Variants in CHP2 observed in about 807,000 individuals in gnomAD.
CHP2 encodes calcineurin B homologous protein 2.
In CHP2, 31 loss-of-function variants were observed where a neutral mutation model predicts 24.7. The observed-to-expected ratio is 1.26, with a 90% CI of 0.94 to 1.69. CHP2 has a LOEUF of 1.69. CHP2 is among the 40% of genes most tolerant of loss of function. The pLI is 0.00. For missense variants in CHP2, 319 were observed against 261.5 expected, an observed-to-expected ratio of 1.22 and a Z score of -1.52; for synonymous variants, 97 against 99.1, an observed-to-expected ratio of 0.98 and a Z score of 0.13.
rs781235252 is a variant in CHP2 at position 23,757,518 on chromosome 16, T to C, written c.538-12T>C. ...AGTCAAGCCTCTTGCCTGCCATTTGTTTTTCCCTCAGTCCTTAGAGAAGAT... is the reference window on the plus strand; with the variant it reads ...AGTCAAGCCTCTTGCCTGCCATTTGCTTTTCCCTCAGTCCTTAGAGAAGAT... On this transcript the variant is annotated splice_polypyrimidine_tract_variant and intron_variant, in intron 6 of 6. Transcript: ENST00000300113. 1 of 1,613,530 alleles carries C rather than the reference T, an allele frequency of 6.2e-7. No homozygotes were observed. Among genetic ancestry groups the C allele is most frequent in the Non-Finnish European group, 8.5e-7 (1 of 1,179,672 alleles).
intron 3 of CHP2, 67 bp from the exon 4 acceptor site, chr16:23,755,996 T>G: frequency 6.2e-7 from 1 of 1,613,690 alleles, no homozygotes; most frequent in Non-Finnish European, 8.5e-7. Context: ...GAGGGGAGGT[T>G]AGAGACGGAG....
At position 23,758,335 on chromosome 16, in the gene CHP2, A is replaced by G. The variant is rs954691568; in HGVS notation, c.*752A>G. The G allele has an allele frequency of 2.0e-5, 3 of 152,258 alleles. 1 individual carries two copies. In the South Asian group the frequency reaches 6.2e-4, roughly 31 times the overall value. The allele number at this position is 152,258 out of a possible 1,614,324, so 9.4% of individuals were successfully genotyped here. On this transcript the variant is annotated 3_prime_UTR_variant, in exon 7 of 7. Coordinates refer to ENST00000300113, the MANE Select transcript of CHP2 (RefSeq NM_022097.4). ...ACTTAAGTCAGAAAGAAATTTTATG[A>G]ATTCAGGTAATTAAAAAGTCCAGAA...
rs1269371102 is a variant in CHP2, at chr16:23,755,879, C to T, written c.173C>T (p.Ala58Val). The change falls in exon 3 of 7, where the codon GCC becomes GTC. Residue 58 changes from alanine to valine, a missense_variant. Ala to Val is a moderately conservative substitution (Grantham distance 64). Coordinates refer to ENST00000300113, the MANE Select transcript of CHP2 (RefSeq NM_022097.4). ...RMDLQQIGAL[A>V]VNPLGDRIIE... is the part of the protein sequence containing the mutation. Reference sequence around the variant, plus strand: ...GATCTCCAGCAGATAGGGGCGCTCGCCGTGAACCCCCTGGGAGACCGAATT... The same window carrying T: ...GATCTCCAGCAGATAGGGGCGCTCGTCGTGAACCCCCTGGGAGACCGAATT... The T allele has an allele frequency of 1.2e-6, 2 of 1,614,118 alleles. No individual in the cohort carries two copies. Among genetic ancestry groups the T allele is most frequent in the South Asian group, 2.2e-5 (2 of 91,096 alleles).
rs769463598 is a variant in CHP2, at chr16:23,756,474, A to T, written c.414+25A>T. On this transcript the variant is annotated intron_variant, in intron 5 of 6. Transcript: ENST00000300113. Reference sequence around the variant, plus strand: ...GGTTGGCAGAAAGCGAGAGCAAGAGATGTGATGTGTGAAGGATGGGATGGT... The same window carrying T: ...GGTTGGCAGAAAGCGAGAGCAAGAGTTGTGATGTGTGAAGGATGGGATGGT... 22 of 1,597,024 alleles carry T rather than the reference A, an allele frequency of 1.4e-5. No homozygotes were observed. The East Asian group carries it at 4.7e-4, about 34-fold the overall frequency.
Position 23,757,826 on chromosome 16 carries a change from C to T in CHP2, c.*243C>T, listed in dbSNP as rs919219052. On this transcript the variant is annotated 3_prime_UTR_variant, in exon 7 of 7. Transcript: ENST00000300113. ...GACAGGGGATGGTTTTGGGATGATT[C>T]AAGTGCATTACATTTATTGTGCACT... The T allele has an allele frequency of 1.8e-6, 1 of 564,494 alleles. No homozygotes were observed. The highest frequency in any genetic ancestry group is 1.9e-5 in the African/African-American group (1 of 53,222). 35.0% of individuals were successfully genotyped at this position (564,494 alleles called of 1,614,324 possible).
At position 23,755,035 on chromosome 16, in the gene CHP2, G is replaced by A. The variant is rs764039817; in HGVS notation, c.-15G>A. The A allele has an allele frequency of 6.3e-6, 10 of 1,576,430 alleles. No homozygotes were observed. Among genetic ancestry groups the A allele is most frequent in the African/African-American group, 2.8e-5 (2 of 72,238 alleles). On this transcript the variant is annotated 5_prime_UTR_variant, in exon 1 of 7. Transcript: ENST00000300113. ...TCCGGGTGGCTGCTCCGGCCCTTCC[G>A]CCTCCAGCTCGGCCATGGGGTCGCG...
At position 23,757,264 on chromosome 16, in the gene CHP2, A is replaced by C. The variant is rs1008953209; in HGVS notation, c.478A>C (p.Thr160Pro). The C allele has an allele frequency of 1.2e-6, 2 of 1,614,028 alleles. No individual in the cohort carries two copies. The highest frequency in any genetic ancestry group is 1.7e-6 in the Non-Finnish European group (2 of 1,179,978). The part of the protein sequence containing the change: ...EEQLENIADR[T>P]VQEADEDGDG... ...GCAGCTGGAGAACATCGCTGACCGC[A>C]CGGTGCAGGAGGCTGATGAAGATGG... Residue 160 changes from threonine to proline, a missense_variant, in exon 6 of 7, where the codon ACG becomes CCG. Transcript: ENST00000300113.
Position 23,758,613 on chromosome 16 carries a change from C to T in CHP2, c.*1030C>T, listed in dbSNP as rs555095443. ...CATTGACCCGTTTGGGGTCTCATCT[C>T]TACTTCTAGGGGAATGAAACACTCT... is the stretch of plus-strand genomic sequence containing the variant. On this transcript the variant is annotated 3_prime_UTR_variant, in exon 7 of 7. Coordinates refer to ENST00000300113, the MANE Select transcript of CHP2 (RefSeq NM_022097.4). 6.6e-6 allele frequency: 1 copy of T among 152,340 alleles called. No individual in the cohort carries two copies. Among genetic ancestry groups the T allele is most frequent in the Admixed American group, 6.5e-5 (1 of 15,304 alleles). The allele number at this position is 152,340 out of a possible 1,614,324, so 9.4% of individuals were successfully genotyped here. A position where few individuals can be genotyped will look rare whatever the true frequency, so the allele number is the denominator to read the frequency against.
intron 1 of CHP2, chr16:23,755,364 C>A: frequency 1.7e-6 from 1 of 596,636 alleles, no homozygotes; most frequent in Non-Finnish European, 3.0e-6. Context: ...AATCCAGGCA[C>A]CCAGGTGTCC....
At position 23,755,730 on chromosome 16, in the gene CHP2, T is replaced by C. The variant is rs140282564; in HGVS notation, c.137T>C (p.Leu46Pro). ...CTGGACAGGAATAAGAAGGGCTACC[T>C]GAGGTGAGGGGGAGCCGGCCTCATA... ...RALDRNKKGY[L>P]SRMDLQQIGA... is the part of the protein sequence containing the mutation. Residue 46 changes from leucine (L) to proline (P), a missense_variant, in exon 2 of 7, where the codon CTG becomes CCG. Leu to Pro is a moderately conservative substitution (Grantham distance 98). Transcript: ENST00000300113. The C allele has an allele frequency of 9.9e-6, 16 of 1,614,058 alleles. No individual in the cohort carries two copies. In the East Asian group the frequency reaches 2.2e-4, roughly 22 times the overall value.
At position 23,755,737 on chromosome 16, in the gene CHP2, A is replaced by G. The variant is rs1019415014; in HGVS notation, c.140+4A>G. The G allele has an allele frequency of 6.2e-7, 1 of 1,614,092 alleles. No homozygotes were observed. The highest frequency in any genetic ancestry group is 1.1e-5 in the South Asian group (1 of 91,082). ...GGAATAAGAAGGGCTACCTGAGGTG[A>G]GGGGGAGCCGGCCTCATAACTTCTG... On this transcript the variant is annotated splice_donor_region_variant and intron_variant, in intron 2 of 6. Transcript: ENST00000300113.
Position 23,757,550 on chromosome 16 carries a change from T to A in CHP2, c.558T>A (p.Val186=). ...EFTKSLEKMD[V]EQKMSIRILK is the part of the protein sequence containing the mutation. ...CTCAGTCCTTAGAGAAGATGGACGTTGAGCAAAAAATGAGCATCCGGATCC... is the reference window on the plus strand; with the variant it reads ...CTCAGTCCTTAGAGAAGATGGACGTAGAGCAAAAAATGAGCATCCGGATCC... Residue 186 remains valine, a synonymous_variant, in exon 7 of 7, where the codon GTT becomes GTA. Coordinates refer to ENST00000300113, the MANE Select transcript of CHP2 (RefSeq NM_022097.4). 6.2e-7 allele frequency: 1 copy of A among 1,614,102 alleles called. No individual in the cohort carries two copies. The highest frequency in any genetic ancestry group is 2.2e-5 in the East Asian group (1 of 44,882).
At chr16:23,755,435 C>A (rs564167612) in intron 1 of CHP2, 5 of 603,140 alleles carry the variant, frequency 8.3e-6, no homozygotes, top group African/African-American at 5.6e-5. Context: ...GGCTTTGGTT[C>A]TTTGGTTTTC....
rs1367454146 is a variant in CHP2, at chr16:23,757,687, C to A, written c.*104C>A. ...GCAGGGCGACAATAAACTGTATTTT[C>A]GTTTCTAACTCTATTTAGGGCCAAG... On this transcript the variant is annotated 3_prime_UTR_variant, in exon 7 of 7. Coordinates refer to ENST00000300113, the MANE Select transcript of CHP2 (RefSeq NM_022097.4). 7 of 1,026,804 alleles carry A rather than the reference C, an allele frequency of 6.8e-6. No individual in the cohort carries two copies. Among genetic ancestry groups the A allele is most frequent in the South Asian group, 6.3e-5 (5 of 78,884 alleles). The allele number at this position is 1,026,804 out of a possible 1,614,324, so 63.6% of individuals were successfully genotyped here. A position where few individuals can be genotyped will look rare whatever the true frequency, so the allele number is the denominator to read the frequency against.
intron 1 of CHP2, chr16:23,755,368 G>T: frequency 6.7e-6 from 4 of 596,930 alleles, no homozygotes; most frequent in Non-Finnish European, 1.2e-5. Context: ...CAGGCACCCA[G>T]GTGTCCTCCA....
chr16:23,757,595 C>G lies in CHP2; in HGVS notation c.*12C>G, dbSNP rs780374025. The G allele has an allele frequency of 2.5e-6, 4 of 1,612,916 alleles. No individual in the cohort carries two copies. The African/African-American group carries it at 4.0e-5, about 16-fold the overall frequency. On this transcript the variant is annotated 3_prime_UTR_variant, in exon 7 of 7. Transcript: ENST00000300113. ...GGATCCTGAAGTGACTCCGTTTGTG[C>G]CTTGGGCTTGCTCCTGCAACCAGTA...
chr16:23,755,797 C>G lies in CHP2; in HGVS notation c.141-50C>G, dbSNP rs181020539. 208 of 1,613,328 alleles carry G rather than the reference C, an allele frequency of 1.3e-4. 1 individual carries two copies. The African/African-American group carries it at 2.4e-3, about 19-fold the overall frequency. ...TCTCTGACTCCATGTCCCTCTTTGA[C>G]CCTCCGTCTGGCATCTCTGCCTTAC... On this transcript the variant is annotated intron_variant, in intron 2 of 6. Coordinates refer to ENST00000300113, the MANE Select transcript of CHP2 (RefSeq NM_022097.4).
rs771562275 is a variant in CHP2, at chr16:23,757,749, TCAG to T, written c.*170_*172del. ...GGAAGGATGTGTACTAAAGTCTAGC[TCAG>T]CAGTCCCCAACCTTTTTGGCATCAG... On this transcript the variant is annotated 3_prime_UTR_variant, in exon 7 of 7. Transcript: ENST00000300113. 4.4e-6 allele frequency: 3 copies of T among 687,606 alleles called. No individual in the cohort carries two copies. The highest frequency in any genetic ancestry group is 7.8e-6 in the Non-Finnish European group (3 of 386,704). 42.6% of individuals were successfully genotyped at this position (687,606 alleles called of 1,614,324 possible). A position where few individuals can be genotyped will look rare whatever the true frequency, so the allele number is the denominator to read the frequency against.
At chr16:23,756,285 T>A (rs1961224281) in intron 4 of CHP2, 92 bp downstream of exon 4, 2 of 1,587,332 alleles carry the variant, frequency 1.3e-6, no homozygotes, top group South Asian at 2.2e-5. Flanking sequence ...CCTGAGGGCA[T>A]TGACAACCTC....
Sources: allele counts gnomAD v4.1 joint callset, GRCh38; gene constraint gnomAD v4.1.1; transcripts MANE v1.5; gene names NCBI Gene and HGNC (gene_info 2026-07-23, HGNC 2026-07-21).